The following PCDHGB5 variants were observed in gnomAD, a reference collection of about 807,000 sequenced individuals.
The protein encoded by PCDHGB5 is protocadherin gamma-B5.
Under a neutral mutation model 62.9 loss-of-function variants are expected in PCDHGB5, and 48 were observed. That is an observed-to-expected ratio of 0.76 (90% confidence interval 0.61 to 0.97). The LOEUF (loss-of-function observed/expected upper bound fraction) is 0.97. Among genes scored for constraint, PCDHGB5 ranks in the 50% least tolerant of loss-of-function variants. The pLI is 0.00. For synonymous variants in PCDHGB5, 474 were observed against 511.2 expected (o/e 0.93, Z 0.98); for missense variants, 1,118 against 1,198.6 (o/e 0.93, Z 0.99).
At chr5:141,507,084 T>G (rs2099858284) in intron 3 of PCDHGB5, 1 of 152,142 alleles carries the variant, frequency 6.6e-6, no homozygotes, top group African/African-American at 2.4e-5. Flanking sequence ...ACTCCTAAGT[T>G]TATGCTCTTT....
At chr5:141,437,796 G>A (rs2097911691) in intron 1 of PCDHGB5, among the ~76,000 whole-genome samples, 1 of 150,348 alleles carries the variant, frequency 6.7e-6, no homozygotes, top group South Asian at 2.1e-4. Context: ...GGAGTGCAGT[G>A]GCACTATCTT....
At position 141,494,854 on chromosome 5, in the gene PCDHGB5, C is replaced by T. The variant is rs1353498253; in HGVS notation, c.2445C>T (p.Pro815=). ...TDWRFSQAQR[P]GTSGSQNGDD... The stretch of plus-strand genomic sequence containing the variant: ...GGCGTTTCTCTCAGGCCCAGAGACC[C>T]GGCACCAGCGGGTAGGTGACTGATT... The change falls in exon 2 of 4, where the codon CCC becomes CCT. Residue 815 remains proline (P), a synonymous_variant. Coordinates refer to ENST00000617380, the MANE Select transcript of PCDHGB5 (RefSeq NM_018925.3). 1.2e-6 allele frequency: 2 copies of T among 1,614,120 alleles called. No homozygotes were observed. Among genetic ancestry groups the T allele is most frequent in the East Asian group, 2.2e-5 (1 of 44,870 alleles).
rs182936964 is a variant in PCDHGB5, at chr5:141,502,069, T to C, written c.2457-3324T>C. 1.1e-3 allele frequency among the ~76,000 whole-genome samples: 175 copies of C among 152,186 alleles called. 1 individual carries two copies. Among genetic ancestry groups the C allele is most frequent in the African/African-American group, 3.9e-3 (162 of 41,524 alleles). ...CCCTACTTTATTCCCATTAGCCCCC[T>C]TCACCTGGGGCTGAGAACACCTGGC... On this transcript the variant is annotated intron_variant, in intron 2 of 3. Coordinates refer to ENST00000617380, the MANE Select transcript of PCDHGB5 (RefSeq NM_018925.3).
rs374191427 is a variant in PCDHGB5 at position 141,419,804 on chromosome 5, G to A, written c.2397+19280G>A. ...GCGCCTGCTAGTCGCTGTAAGAGAT[G>A]GAGGACAGCCACCCCTTTCAGCCAC... On this transcript the variant is annotated intron_variant, in intron 1 of 3. Coordinates refer to ENST00000617380, the MANE Select transcript of PCDHGB5 (RefSeq NM_018925.3). The A allele has an allele frequency of 2.8e-5, 45 of 1,613,946 alleles. No homozygotes were observed. The highest frequency in any genetic ancestry group is 1.6e-4 in the Middle Eastern group (1 of 6,082).
rs751563833 is a variant in PCDHGB5 at position 141,421,382 on chromosome 5, A to T, written c.2397+20858A>T. 5.6e-6 allele frequency: 9 copies of T among 1,613,906 alleles called. No homozygotes were observed. The South Asian group carries it at 8.8e-5, about 16-fold the overall frequency. ...TCCTTCGTGGGCAATATCTCCAAGG[A>T]CCTGGGGCTGGAGCCCCGGGAGCTG... On this transcript the variant is annotated intron_variant, in intron 1 of 3. Transcript: ENST00000617380.
chr5:141,400,571 C>T (rs781701893), intron 1 of PCDHGB5, 47 bp downstream of exon 1: 1 of 1,612,704 alleles, frequency 6.2e-7, no homozygotes, highest in South Asian at 1.1e-5. Context: ...ACCCAATTTT[C>T]TGTATTTACA....
chr5:141,437,693 C>G (rs1305650032), intron 1 of PCDHGB5, among the ~76,000 whole-genome samples: 1 of 151,638 alleles, frequency 6.6e-6, no homozygotes, highest in African/African-American at 2.4e-5. Context: ...GAGGCTAAAT[C>G]TCAAGAAAGA....
chr5:141,431,008 C>T lies in PCDHGB5; in HGVS notation c.2397+30484C>T. The T allele has an allele frequency of 6.2e-7, 1 of 1,614,118 alleles. No individual in the cohort carries two copies. The highest frequency in any genetic ancestry group is 1.1e-5 in the South Asian group (1 of 91,076). ...TCGCCCTGAATCCGCGCAGCGGCAG[C>T]TTGGTCACGGCGGGCAGGATAGACC... On this transcript the variant is annotated intron_variant, in intron 1 of 3. Transcript: ENST00000617380. This position sits in a 1 kb window ranked among gnomAD's most constrained non-coding sequence, Gnocchi z 4.8.
Position 141,400,369 on chromosome 5 carries a change from T to C in PCDHGB5, c.2242T>C (p.Tyr748His), listed in dbSNP as rs2150855153. The C allele has an allele frequency of 1.2e-6, 2 of 1,614,078 alleles. No homozygotes were observed. Among genetic ancestry groups the C allele is most frequent in the Admixed American group, 3.3e-5 (2 of 60,036 alleles). ...NYSQGTLPYS[Y>H]NLCVAHTGKT... is the part of the protein sequence containing the mutation. Reference sequence around the variant, plus strand: ...CAGTCAGGGGACTTTGCCTTATTCCTACAACCTATGTGTTGCACATACAGG... The same window carrying C: ...CAGTCAGGGGACTTTGCCTTATTCCCACAACCTATGTGTTGCACATACAGG... The change falls in exon 1 of 4, where the codon TAC (tyrosine) becomes CAC (histidine). Residue 748 changes from tyrosine (Y) to histidine (H), a missense_variant. Transcript: ENST00000617380.
intron 1 of PCDHGB5, among the ~76,000 whole-genome samples, chr5:141,459,095 G>A (rs61275874): frequency 0.28 from 42,440 of 152,066 alleles, 6,652 homozygotes; most frequent in African/African-American, 0.43. Context: ...ATTATACAGT[G>A]CAATGCATTT....
intron 1 of PCDHGB5, chr5:141,402,997 G>C: frequency 3.7e-6 from 6 of 1,613,928 alleles, no homozygotes; most frequent in Non-Finnish European, 5.1e-6. Context: ...GATTAGTCCT[G>C]CTATGCTCGC....
At chr5:141,419,014 C>A (rs1332175722) in intron 1 of PCDHGB5, 1 of 1,613,780 alleles carries the variant, frequency 6.2e-7, no homozygotes, top group Non-Finnish European at 8.5e-7. Flanking sequence ...TCAGGTGTAG[C>A]TTAAGTAGAG....
intron 1 of PCDHGB5, chr5:141,404,268 C>A (rs1334326806): frequency 1.2e-6 from 2 of 1,613,860 alleles, no homozygotes; most frequent in African/African-American, 2.7e-5. Context: ...ATTCACATCA[C>A]CCTGCAAGTG....
At chr5:141,474,652 T>C (rs962582027) in intron 1 of PCDHGB5, among the ~76,000 whole-genome samples, 1 of 152,206 alleles carries the variant, frequency 6.6e-6, no homozygotes, top group African/African-American at 2.4e-5. Context: ...TCCTTACTTC[T>C]TTTCTACCTA....
chr5:141,485,607 C>T lies in PCDHGB5; in HGVS notation c.2398-9200C>T. On this transcript the variant is annotated intron_variant, in intron 1 of 3. Coordinates refer to ENST00000617380, the MANE Select transcript of PCDHGB5 (RefSeq NM_018925.3). The surrounding 1 kb of genome is among the most constrained non-coding windows in gnomAD (Gnocchi z 5.7). ...CAGCTGGACTTGGAAATTGGGGAGG[C>T]AGCTCCTCCAGGACAGCGTTTCCCG... is the stretch of plus-strand genomic sequence containing the variant. 1 of 1,612,008 alleles carries T rather than the reference C, an allele frequency of 6.2e-7. No individual in the cohort carries two copies. The highest frequency in any genetic ancestry group is 8.5e-7 in the Non-Finnish European group (1 of 1,178,534).
intron 1 of PCDHGB5, among the ~76,000 whole-genome samples, chr5:141,469,289 A>G (rs2154570270): frequency 6.6e-6 from 1 of 151,932 alleles, no homozygotes; most frequent in South Asian, 2.1e-4. Flanking sequence ...AAAATAAAAC[A>G]AAATAGACTG....
Position 141,432,390 on chromosome 5 carries a change from G to A in PCDHGB5, c.2397+31866G>A. The A allele has an allele frequency of 6.2e-7, 1 of 1,614,256 alleles. No homozygotes were observed. The highest frequency in any genetic ancestry group is 8.5e-7 in the Non-Finnish European group (1 of 1,180,046). On this transcript the variant is annotated intron_variant, in intron 1 of 3. Transcript: ENST00000617380. This position sits in a 1 kb window ranked among gnomAD's most constrained non-coding sequence, Gnocchi z 6.0. ...GACAACGGGCACCCGCCCCTCAGCA[G>A]CAACGTGTCGTTGAGCCTGTTCGTG... is the stretch of plus-strand genomic sequence containing the variant.
intron 2 of PCDHGB5, among the ~76,000 whole-genome samples, chr5:141,505,026 G>A (rs190826538): frequency 4.6e-5 from 7 of 152,316 alleles, no homozygotes; most frequent in African/African-American, 1.7e-4. Context: ...GCCTGGCACA[G>A]TGGCAGGTGC....
intron 1 of PCDHGB5, among the ~76,000 whole-genome samples, chr5:141,450,894 G>C (rs919860611): frequency 6.7e-6 from 1 of 148,956 alleles, no homozygotes; most frequent in Admixed American, 6.7e-5. Context: ...GTGCGATATC[G>C]GCTCACTGCA....
Sources: gnomAD v4.1 joint callset for allele counts (sites outside exome capture counted in the v4.1 genomes callset) on GRCh38, gnomAD v4.1.1 for gene constraint, Gnocchi (gnomAD v3.1) non-coding constraint, MANE v1.5 for transcripts, NCBI Gene and HGNC (gene_info 2026-07-23, HGNC 2026-07-21) for gene names.